The following KMT2B variants were observed in gnomAD, a reference collection of about 807,000 sequenced individuals.
The protein encoded by KMT2B is histone-lysine N-methyltransferase 2B.
Under a neutral mutation model 255.3 loss-of-function variants are expected in KMT2B, and 22 were observed. That is an observed-to-expected ratio of 0.09 (90% CI 0.06 to 0.12). The LOEUF (loss-of-function observed/expected upper bound fraction) is 0.12. KMT2B is among the 10% of genes least tolerant of loss of function. The probability of loss-of-function intolerance (pLI) is 1.00; values close to 1 mark genes in which losing one functional copy is unlikely to be tolerated. For synonymous variants in KMT2B, 1,730 were observed against 1,498.1 expected, an observed-to-expected ratio of 1.15 and a Z score of -3.57; for missense variants, 3,149 against 3,737.0, an observed-to-expected ratio of 0.84 and a Z score of 4.10.
At position 35,732,781 on chromosome 19, in the gene KMT2B, C is replaced by T; in HGVS notation, c.6232C>T (p.Pro2078Ser). 1.2e-6 allele frequency: 2 copies of T among 1,607,978 alleles called. No homozygotes were observed. Among genetic ancestry groups the T allele is most frequent in the East Asian group, 2.2e-5 (1 of 44,652 alleles). The stretch of plus-strand genomic sequence containing the variant: ...CAGTGAGGCTGAGGCGGTGCAGCAG[C>T]CTCGGGGCCAGGGCACGCCTCCTTC... ...TDSEAEAVQQ[P>S]RGQGTPPSGP... Residue 2078 changes from proline (P) to serine (S), a missense_variant, in exon 28 of 37, where the codon CCT becomes TCT. Physicochemically the swap from Pro to Ser is moderately conservative, Grantham distance 74. Coordinates refer to ENST00000420124, the MANE Select transcript of KMT2B (RefSeq NM_014727.3).
intron 14 of KMT2B, among the ~76,000 whole-genome samples, 175 bp downstream of exon 14, chr19:35,726,528 A>C (rs1041107425): frequency 2.0e-5 from 3 of 152,112 alleles, no homozygotes; most frequent in Non-Finnish European, 2.9e-5. Flanking sequence ...TAAAACAGGG[A>C]CACATAGCTC....
At chr19:35,719,588 C>A (rs774328728) in intron 2 of KMT2B, 47 bp downstream of exon 2, 3 of 1,548,364 alleles carry the variant, frequency 1.9e-6, no homozygotes, top group Non-Finnish European at 2.6e-6. Context: ...AGGAATTTAT[C>A]CTCGCCCTTC....
At chr19:35,719,129 C>T (rs1969080365) in intron 1 of KMT2B, among the ~76,000 whole-genome samples, 1 of 152,056 alleles carries the variant, frequency 6.6e-6, no homozygotes, top group African/African-American at 2.4e-5. Context: ...AGTGGAGGTC[C>T]CACTTTGGTC....
At position 35,725,498 on chromosome 19, in the gene KMT2B, G is replaced by A; in HGVS notation, c.3662G>A (p.Cys1221Tyr). Reference protein sequence around the residue: ...GLHELVFCQVCCDPFHPFCLE... With the variant: ...GLHELVFCQVYCDPFHPFCLE... ...CCCCAGCTGGTGTTCTGTCAAGTCT[G>A]CTGTGACCCATTCCACCCATTCTGC... The change falls in exon 12 of 37, where the codon TGC becomes TAC. Residue 1221 changes from cysteine (C) to tyrosine (Y), a missense_variant. By Grantham distance (194) the Cys-to-Tyr change is radical (BLOSUM62 -2). Transcript: ENST00000420124. This position sits in a 1 kb window ranked among gnomAD's most constrained non-coding sequence, Gnocchi z 4.1. 1 of 1,611,342 alleles carries A rather than the reference G, an allele frequency of 6.2e-7. No individual in the cohort carries two copies.
Position 35,722,673 on chromosome 19 carries a change from C to T in KMT2B, c.2677C>T (p.Leu893Phe). Residue 893 changes from leucine (L) to phenylalanine (F), a missense_variant, in exon 5 of 37, where the codon CTC becomes TTC. Around this residue, in one of 18 missense-constraint regions of KMT2B, gnomAD observed 132 missense variants for 174.7 expected, o/e 0.76. Coordinates refer to ENST00000420124, the MANE Select transcript of KMT2B (RefSeq NM_014727.3). ...CATGGTGCCTGAAGATGTCCCTCGC[C>T]TCAGTGCCCTCCCTCTCCGGGATCG... is the stretch of plus-strand genomic sequence containing the variant. ...RAMVPEDVPR[L>F]SALPLRDRQD... 6.2e-7 allele frequency: 1 copy of T among 1,612,210 alleles called. No individual in the cohort carries two copies. Among genetic ancestry groups the T allele is most frequent in the South Asian group, 1.1e-5 (1 of 90,920 alleles).
chr19:35,724,522 C>G (rs1461043504), intron 8 of KMT2B, 115 bp from the exon 9 acceptor site: 1 of 842,452 alleles, frequency 1.2e-6, no homozygotes, highest in East Asian at 2.7e-5. Context: ...AAGAATCGTC[C>G]TGGCGGGTCT....
chr19:35,724,291 A>C (rs963916284), intron 8 of KMT2B, among the ~76,000 whole-genome samples: 1 of 152,172 alleles, frequency 6.6e-6, no homozygotes, highest in African/African-American at 2.4e-5. Flanking sequence ...ACTTGAGCCC[A>C]GGAGTTCAAG....
intron 26 of KMT2B, 64 bp from the exon 27 acceptor site, chr19:35,731,844 G>T: frequency 8.0e-7 from 1 of 1,246,758 alleles, no homozygotes; most frequent in Non-Finnish European, 1.2e-6. Context: ...CTCAGGATGA[G>T]AGCATGTGGG....
chr19:35,732,050 T>C lies in KMT2B; in HGVS notation c.5580T>C (p.Phe1860=), dbSNP rs766124908. 1.2e-6 allele frequency: 2 copies of C among 1,612,382 alleles called. No individual in the cohort carries two copies. Among genetic ancestry groups the C allele is most frequent in the Non-Finnish European group, 1.7e-6 (2 of 1,179,276 alleles). The change falls in exon 27 of 37, where the codon TTT becomes TTC. Residue 1860 remains phenylalanine (F), a synonymous_variant. Coordinates refer to ENST00000420124, the MANE Select transcript of KMT2B (RefSeq NM_014727.3). Reference sequence around the variant, plus strand: ...CCCCTCCTCCAGCCCCCCGTTCTTTTTCGGGGGCTCGAATCAAAGTGCCCA... The same window carrying C: ...CCCCTCCTCCAGCCCCCCGTTCTTTCTCGGGGGCTCGAATCAAAGTGCCCA... ...GSAPPPAPRS[F]SGARIKVPNY... is the part of the protein sequence containing the mutation.
At chr19:35,719,362 A>C (rs1311996947) in intron 1 of KMT2B, 107 bp from the exon 2 acceptor site, 1 of 767,508 alleles carries the variant, frequency 1.3e-6, no homozygotes, top group East Asian at 2.7e-5. Context: ...TTAAATAGGC[A>C]GGGGTATGCT....
In KMT2B at chr19:35,718,201, C is replaced by T. The variant is rs1038934570; in HGVS notation, c.183C>T (p.Pro61=). Residue 61 remains proline (P), a synonymous_variant, in exon 1 of 37, where the codon CCC becomes CCT. Coordinates refer to ENST00000420124, the MANE Select transcript of KMT2B (RefSeq NM_014727.3). This position sits in a 1 kb window ranked among gnomAD's most constrained non-coding sequence, Gnocchi z 5.0. ...CGACGGGGCCGGGCGGAGCCGAGCCCGGGGAGGACACGGCCCTGCTCCGTT... is the reference window on the plus strand; with the variant it reads ...CGACGGGGCCGGGCGGAGCCGAGCCTGGGGAGGACACGGCCCTGCTCCGTT... ...GGATGPGGAE[P]GEDTALLRLL... is the part of the protein sequence containing the mutation. 108 of 1,148,090 alleles carry T rather than the reference C, an allele frequency of 9.4e-5. No homozygotes were observed. The highest frequency in any genetic ancestry group is 1.1e-5 in the Non-Finnish European group (10 of 933,258). 71.1% of individuals were successfully genotyped at this position (1,148,090 alleles called of 1,614,324 possible).
chr19:35,725,000 C>G lies in KMT2B; in HGVS notation c.3441C>G (p.Ala1147=), dbSNP rs1599679401. The G allele has an allele frequency of 6.2e-7, 1 of 1,612,054 alleles. No homozygotes were observed. Among genetic ancestry groups the G allele is most frequent in the Non-Finnish European group, 8.5e-7 (1 of 1,178,146 alleles). ...ARRRLDKDAL[A]PGPFASFPNG... is the part of the protein sequence containing the mutation. ...CCTTTCCTCCCCAGGATGCTTTGGC[C>G]CCTGGCCCCTTTGCTTCTTTTCCCA... The change falls in exon 10 of 37, where the codon GCC becomes GCG. Residue 1147 remains alanine, a synonymous_variant. Coordinates refer to ENST00000420124, the MANE Select transcript of KMT2B (RefSeq NM_014727.3).
chr19:35,719,640 G>A, intron 2 of KMT2B, 99 bp downstream of exon 2: 3 of 1,504,790 alleles, frequency 2.0e-6, no homozygotes, highest in Non-Finnish European at 2.7e-6. Context: ...GTCAGTTGCC[G>A]AATGTGTTCT....
intron 26 of KMT2B, 48 bp downstream of exon 26, chr19:35,730,915 A>C (rs1385269720): frequency 1.3e-6 from 2 of 1,513,980 alleles, no homozygotes; most frequent in Non-Finnish European, 1.8e-6. Flanking sequence ...CTCCCTAAAC[A>C]AACCTACAGA....
chr19:35,733,804 A>G lies in KMT2B; in HGVS notation c.7091A>G (p.Asp2364Gly), dbSNP rs231591. 0.5 allele frequency: 807,919 copies of G among 1,612,076 alleles called. 208,325 individuals are homozygous for G. The highest frequency in any genetic ancestry group is 0.8 in the African/African-American group (59,814 of 74,864). Residue 2364 changes from aspartate to glycine, a missense_variant, in exon 30 of 37, where the codon GAT becomes GGT. Asp to Gly is a moderately conservative substitution (Grantham distance 94, BLOSUM62 -1). Coordinates refer to ENST00000420124, the MANE Select transcript of KMT2B (RefSeq NM_014727.3). This position sits in a 1 kb window ranked among gnomAD's most constrained non-coding sequence, Gnocchi z 4.3. ...ERSPLLPLPE[D>G]GPPQVPDGPP... ...TCCCCTTTGCTGCCACTTCCGGAAGATGGTCCTCCCCAGGTCCCCGATGGT... is the reference window on the plus strand; with the variant it reads ...TCCCCTTTGCTGCCACTTCCGGAAGGTGGTCCTCCCCAGGTCCCCGATGGT...
chr19:35,738,051 C>G lies in KMT2B; in HGVS notation c.7743-11C>G. On this transcript the variant is annotated splice_polypyrimidine_tract_variant and intron_variant, in intron 35 of 36. Transcript: ENST00000420124. This position sits in a 1 kb window ranked among gnomAD's most constrained non-coding sequence, Gnocchi z 8.7. ...CTCCCCCCTGAGTTCCCTGTTCATC[C>G]TGCCCTGCAGATCAGCCATCCACGG... is the stretch of plus-strand genomic sequence containing the variant. 8.1e-6 allele frequency: 13 copies of G among 1,613,860 alleles called. No homozygotes were observed. The highest frequency in any genetic ancestry group is 1.0e-5 in the Non-Finnish European group (12 of 1,179,848).
chr19:35,727,989 A>T lies in KMT2B; in HGVS notation c.4497+4A>T. On this transcript the variant is annotated splice_donor_region_variant and intron_variant, in intron 18 of 36. Coordinates refer to ENST00000420124, the MANE Select transcript of KMT2B (RefSeq NM_014727.3). The surrounding 1 kb of genome is among the most constrained non-coding windows in gnomAD (Gnocchi z 4.2). ...GATGAAGGGGCTCCTGCTGAAGGTG[A>T]GCTCTTCCGGGGATGCTTGTGGGGT... 6.4e-7 allele frequency: 1 copy of T among 1,557,938 alleles called. No individual in the cohort carries two copies. Among genetic ancestry groups the T allele is most frequent in the Non-Finnish European group, 8.7e-7 (1 of 1,148,902 alleles).
rs1204092969 is a variant in KMT2B, at chr19:35,737,510, C to T, written c.7551-126C>T. On this transcript the variant is annotated intron_variant, in intron 33 of 36. Coordinates refer to ENST00000420124, the MANE Select transcript of KMT2B (RefSeq NM_014727.3). This position sits in a 1 kb window ranked among gnomAD's most constrained non-coding sequence, Gnocchi z 5.3. ...CAGCGTAGGCAACATGGCAAAACCC[C>T]ATCTCTAAAATAAAAATTTAAAAAA... is the stretch of plus-strand genomic sequence containing the variant. 3.9e-6 allele frequency: 3 copies of T among 773,612 alleles called. No homozygotes were observed. In the Admixed American group the frequency reaches 8.7e-5, roughly 22 times the overall value. 47.9% of individuals were successfully genotyped at this position (773,612 alleles called of 1,614,324 possible). A position where few individuals can be genotyped will look rare whatever the true frequency, so the allele number is the denominator to read the frequency against.
chr19:35,731,398 G>A lies in KMT2B; in HGVS notation c.5438-510G>A, dbSNP rs530377878. On this transcript the variant is annotated intron_variant, in intron 26 of 36. Coordinates refer to ENST00000420124, the MANE Select transcript of KMT2B (RefSeq NM_014727.3). ...GCAGGAGGCAGAAGAGATTTGGATG[G>A]TAGGAAGGGCTTTATTCCAGGTTGG... Among the ~76,000 whole-genome samples, 12 of 152,332 alleles carry A rather than the reference G, an allele frequency of 7.9e-5. 1 individual carries two copies. The South Asian group carries it at 2.5e-3, about 32-fold the overall frequency.
Sources: gnomAD v4.1 joint callset for allele counts (sites outside exome capture counted in the v4.1 genomes callset) on GRCh38, gnomAD v4.1.1 for gene constraint, gnomAD v4.1.1 regional missense constraint, Gnocchi (gnomAD v3.1) non-coding constraint, MANE v1.5 for transcripts, NCBI Gene and HGNC (gene_info 2026-07-23, HGNC 2026-07-21) for gene names.